ZNHIT3: variants seen among roughly 807,000 people sequenced by gnomAD.
ZNHIT3 encodes the protein zinc finger HIT domain-containing protein 3.
ZNHIT3 carries 27 observed loss-of-function variants against 19.9 expected under a neutral mutation model. The observed-to-expected ratio is 1.36, with a 90% CI of 1.00 to 1.87. The LOEUF is 1.87. Ranked by LOEUF, ZNHIT3 falls within the 40% of genes most tolerant of loss-of-function variation. The probability of loss-of-function intolerance (pLI) is 0.00; values close to 1 mark genes in which losing one functional copy is unlikely to be tolerated. For missense variants in ZNHIT3, 215 were observed against 185.6 expected (o/e 1.16, Z -0.92); for synonymous variants, 81 against 65.7 (o/e 1.23, Z -1.13).
At chr17:36,497,589 CTT>C (rs746721426), downstream of ZNHIT3, 924 of 808,514 alleles carry the variant, frequency 1.1e-3, no homozygotes, top group Non-Finnish European at 1.3e-3. Flanking sequence ...CTAAACCAAA[CTT>C]TTTTTTTTTT....
At position 36,486,692 on chromosome 17, in the gene ZNHIT3, A is replaced by G; in HGVS notation, c.-8A>G. On this transcript the variant is annotated 5_prime_UTR_variant, in exon 1 of 5. Transcript: ENST00000617429. ...GCGGCGCAGTGAACAGTCTCCTTCCACAAAACCATGGCGTCGCTCAAATGT... is the reference window on the plus strand; with the variant it reads ...GCGGCGCAGTGAACAGTCTCCTTCCGCAAAACCATGGCGTCGCTCAAATGT... 2.5e-6 allele frequency: 4 copies of G among 1,613,772 alleles called. No homozygotes were observed. Among genetic ancestry groups the G allele is most frequent in the Non-Finnish European group, 3.4e-6 (4 of 1,179,826 alleles).
intron 2 of ZNHIT3, chr17:36,490,045 T>A (rs2070692674): frequency 6.6e-6 from 1 of 152,048 alleles, no homozygotes; most frequent in African/African-American, 2.4e-5. Flanking sequence ...GGGTTGTCTC[T>A]TCATTCTATT....
chr17:36,495,820 A>AAAGTT, exon 5 of ZNHIT3: 1 of 1,241,912 alleles, frequency 8.1e-7, no homozygotes, highest in East Asian at 3.1e-5. Flanking sequence ...ATTAAATACT[A>AAAGTT]AAGTTTTGTT....
At chr17:36,489,825 G>T (rs958775660) in intron 2 of ZNHIT3, 6 of 151,938 alleles carry the variant, frequency 3.9e-5, no homozygotes, top group Admixed American at 3.3e-4. Flanking sequence ...TCACCATGTT[G>T]GCCAGGCTGG....
downstream of ZNHIT3, chr17:36,497,589 C>CTTTTTT: frequency 1.2e-6 from 1 of 818,466 alleles, no homozygotes. Flanking sequence ...CTAAACCAAA[C>CTTTTTT]TTTTTTTTTT....
chr17:36,496,216 A>T, downstream of ZNHIT3: 2 of 1,610,440 alleles, frequency 1.2e-6, no homozygotes, highest in Non-Finnish European at 1.7e-6. Flanking sequence ...GGCAGGGGGC[A>T]GGAAAAGGCC....
chr17:36,497,543 A>G (rs560611109), downstream of ZNHIT3: 127 of 983,318 alleles, frequency 1.3e-4, 1 homozygote, highest in South Asian at 5.3e-3. Context: ...TGTCTCGTGA[A>G]TTTTTCCTCT....
chr17:36,498,401 A>G, downstream of ZNHIT3: 1 of 1,614,032 alleles, frequency 6.2e-7, no homozygotes, highest in Non-Finnish European at 8.5e-7. Flanking sequence ...CTACACCCAT[A>G]GCCGTATTGG....
intron 2 of ZNHIT3, among the ~76,000 whole-genome samples, chr17:36,487,317 C>T (rs2070592540): frequency 6.6e-6 from 1 of 152,146 alleles, no homozygotes; most frequent in South Asian, 2.1e-4. Context: ...CTGATGTAGC[C>T]CCTCACCATT....
At chr17:36,487,057 G>A in intron 2 of ZNHIT3, 91 bp downstream of exon 2, 1 of 1,529,934 alleles carries the variant, frequency 6.5e-7, no homozygotes. Context: ...CCCTTGGGCT[G>A]CGCTTCCTTT....
At chr17:36,494,769 A>G (rs1356919102) in intron 4 of ZNHIT3, among the ~76,000 whole-genome samples, 1 of 152,074 alleles carries the variant, frequency 6.6e-6, no homozygotes, top group Non-Finnish European at 1.5e-5. Context: ...ATGCTTAGAC[A>G]TCATTCAGAT....
chr17:36,487,347 T>G (rs1192799085), intron 2 of ZNHIT3, among the ~76,000 whole-genome samples: 2 of 152,218 alleles, frequency 1.3e-5, no homozygotes, highest in Non-Finnish European at 2.9e-5. Context: ...CTGCGCTAAC[T>G]TTAACAGTAT....
chr17:36,495,462 C>T lies in ZNHIT3; in HGVS notation c.*58C>T, dbSNP rs1288959665. 2.1e-5 allele frequency: 32 copies of T among 1,497,346 alleles called. No individual in the cohort carries two copies. Among genetic ancestry groups the T allele is most frequent in the Non-Finnish European group, 2.8e-5 (31 of 1,126,126 alleles). The allele number at this position is 1,497,346 out of a possible 1,614,324, so 92.8% of individuals were successfully genotyped here. On this transcript the variant is annotated 3_prime_UTR_variant, in exon 5 of 5. Coordinates refer to ENST00000617429, the MANE Select transcript of ZNHIT3 (RefSeq NM_004773.4). The stretch of plus-strand genomic sequence containing the variant: ...GCTTGACTCCTGGAACCTGCCTGCT[C>T]CCTCTCCCAGACCAGCTAGTTTGGG...
At chr17:36,491,800 T>G (rs1361540410) in intron 2 of ZNHIT3, 8 of 152,240 alleles carry the variant, frequency 5.3e-5, no homozygotes, top group African/African-American at 1.9e-4. Flanking sequence ...TCACCTCTCC[T>G]TCAGTCCCTC....
At position 36,487,477 on chromosome 17, in the gene ZNHIT3, G is replaced by A. The variant is rs778013436; in HGVS notation, c.118+511G>A. On this transcript the variant is annotated intron_variant, in intron 2 of 4. Transcript: ENST00000617429. ...ACCAAGTAAGTTCTGTGTATGATGT[G>A]AACACACTTTTGTACAGTTAAAAAG... Among the ~76,000 whole-genome samples, 6 of 152,336 alleles carry A rather than the reference G, an allele frequency of 3.9e-5. No homozygotes were observed. The East Asian group carries it at 7.7e-4, about 20-fold the overall frequency.
downstream of ZNHIT3, chr17:36,496,438 C>T (rs1417440858): frequency 6.2e-7 from 1 of 1,611,006 alleles, no homozygotes. Context: ...AGCTTTAGCA[C>T]TAGTTCCTGG....
downstream of ZNHIT3, chr17:36,498,485 G>A (rs374379937): frequency 1.2e-6 from 2 of 1,613,938 alleles, no homozygotes; most frequent in African/African-American, 2.7e-5. Flanking sequence ...AGGTGCTCAG[G>A]GAACAGGGAG....
At chr17:36,490,558 G>A (rs190920115) in intron 2 of ZNHIT3, 69 of 152,174 alleles carry the variant, frequency 4.5e-4, no homozygotes, top group Admixed American at 2.0e-3. Context: ...GATTGCTTTG[G>A]CTATTGGGGG....
At chr17:36,498,458 C>T (rs1271846106), downstream of ZNHIT3, 5 of 1,613,994 alleles carry the variant, frequency 3.1e-6, no homozygotes, top group Non-Finnish European at 2.5e-6. Flanking sequence ...CCTCCAGGAG[C>T]CTGGTCTGCA....
Sources: gnomAD v4.1 joint callset for allele counts (sites outside exome capture counted in the v4.1 genomes callset) on GRCh38, gnomAD v4.1.1 for gene constraint, MANE v1.5 for transcripts, NCBI Gene and HGNC (gene_info 2026-07-23, HGNC 2026-07-21) for gene names.